The following TRPC4AP variants were observed in gnomAD, a reference collection of about 807,000 sequenced individuals.
The protein encoded by TRPC4AP is transient receptor potential cation channel subfamily C member 4 associated protein.
Under a neutral mutation model 99.0 loss-of-function variants are expected in TRPC4AP, and 45 were observed. That is an observed-to-expected ratio of 0.45 (90% CI 0.36 to 0.58). TRPC4AP has a LOEUF of 0.58. Among genes scored for constraint, TRPC4AP ranks in the 20% least tolerant of loss-of-function variants. The pLI is 0.00. For synonymous variants in TRPC4AP, 408 were observed against 385.8 expected (o/e 1.06, Z -0.67); for missense variants, 879 against 985.3 (o/e 0.89, Z 1.44).
intron 1 of TRPC4AP, 34 bp downstream of exon 1, chr20:35,092,579 CG>C: frequency 7.0e-7 from 1 of 1,432,222 alleles, no homozygotes; most frequent in Non-Finnish European, 9.1e-7. Flanking sequence ...CCGCCTGGTC[CG>C]CCCCGCCCCG....
chr20:35,022,495 G>A (rs570224535), intron 8 of TRPC4AP, among the ~76,000 whole-genome samples: 1 of 152,282 alleles, frequency 6.6e-6, no homozygotes, highest in Admixed American at 6.5e-5. Flanking sequence ...GTCAGAGTCA[G>A]GAGAGGCTAG....
intron 9 of TRPC4AP, among the ~76,000 whole-genome samples, chr20:35,018,736 C>G (rs187930335): frequency 6.6e-5 from 10 of 151,554 alleles, no homozygotes; most frequent in African/African-American, 2.4e-4. Context: ...TGCTCTATAG[C>G]AGGATGGTAG....
chr20:35,069,477 A>G (rs776011524), intron 2 of TRPC4AP, 65 bp from the exon 3 acceptor site: 50 of 1,043,880 alleles, frequency 4.8e-5, no homozygotes, highest in Non-Finnish European at 6.9e-5. Context: ...ACACTAAAGC[A>G]TCAGTTTGAG....
intron 8 of TRPC4AP, among the ~76,000 whole-genome samples, chr20:35,027,611 A>C (rs1233614262): frequency 6.6e-6 from 1 of 152,152 alleles, no homozygotes; most frequent in Non-Finnish European, 1.5e-5. Context: ...TTCTTCTTGA[A>C]ACATTTGGTA....
At chr20:35,072,197 G>A (rs950291967) in intron 2 of TRPC4AP, among the ~76,000 whole-genome samples, 1 of 152,144 alleles carries the variant, frequency 6.6e-6, no homozygotes, top group Non-Finnish European at 1.5e-5. Context: ...TGTCAGATGG[G>A]TAGATTGCAA....
At chr20:35,015,956 A>G (rs2082745140) in intron 10 of TRPC4AP, 52 bp downstream of exon 10, 58 of 1,608,186 alleles carry the variant, frequency 3.6e-5, no homozygotes, top group South Asian at 6.6e-5. Flanking sequence ...GTCTTGAAAC[A>G]ACTACTCCAA....
In TRPC4AP at chr20:35,008,677, C is replaced by T. The variant is rs773249248; in HGVS notation, c.1582G>A (p.Glu528Lys). ...CCCCAGACTCACCTGAAAGACGACT[C>T]TGCTGGCTCCTTCTTCATGACCTGC... ...LLQVMKKEPA[E>K]SSFRFWQARA... Residue 528 changes from glutamate to lysine, a missense_variant, in exon 13 of 19, where the codon GAG becomes AAG. Around this residue, in one of 3 missense-constraint regions of TRPC4AP, gnomAD observed 52 missense variants for 88.7 expected, o/e 0.59. Coordinates refer to ENST00000252015, the MANE Select transcript of TRPC4AP (RefSeq NM_015638.3). 2 of 1,613,920 alleles carry T rather than the reference C, an allele frequency of 1.2e-6. No individual in the cohort carries two copies. The highest frequency in any genetic ancestry group is 1.7e-6 in the Non-Finnish European group (2 of 1,179,904).
chr20:35,013,065 T>C lies in TRPC4AP; in HGVS notation c.1352A>G (p.Asp451Gly), dbSNP rs772601380. The C allele has an allele frequency of 1.2e-6, 2 of 1,613,980 alleles. No individual in the cohort carries two copies. The highest frequency in any genetic ancestry group is 1.7e-6 in the Non-Finnish European group (2 of 1,180,022). Residue 451 changes from aspartate to glycine, a missense_variant and splice_region_variant, in exon 11 of 19, where the codon GAC becomes GGC. Physicochemically the swap from Asp to Gly is moderately conservative, Grantham distance 94. Coordinates refer to ENST00000252015, the MANE Select transcript of TRPC4AP (RefSeq NM_015638.3). The stretch of plus-strand genomic sequence containing the variant: ...CAAAAACTGTATCTTCAAGGTGATG[T>C]CCTGAAACACATGCACAGCCTCAAT... The part of the protein sequence containing the change: ...GHNQNCDCSP[D>G]ITLKIQFLRL...
At chr20:35,032,467 CTTTTTTTTTTTTTT>C (rs35808832) in intron 8 of TRPC4AP, among the ~76,000 whole-genome samples, 2 of 95,232 alleles carry the variant, frequency 2.1e-5, no homozygotes, top group Non-Finnish European at 4.0e-5. Flanking sequence ...GTTCTTTGAT[CTTTTTTTTTTTTTT>C]TTTTTTTTGA....
At chr20:35,035,453 C>A in intron 7 of TRPC4AP, 145 bp from the exon 8 acceptor site, 2 of 919,054 alleles carry the variant, frequency 2.2e-6, no homozygotes, top group Non-Finnish European at 3.1e-6. Flanking sequence ...AATGTCAAAC[C>A]AAGGTAAATA....
At chr20:35,079,242 C>T (rs1040173895) in intron 1 of TRPC4AP, among the ~76,000 whole-genome samples, 6 of 152,076 alleles carry the variant, frequency 3.9e-5, no homozygotes, top group African/African-American at 1.4e-4. Flanking sequence ...ATCATATATG[C>T]ACCTAACAAC....
At chr20:35,039,672 C>A (rs878976120) in intron 7 of TRPC4AP, among the ~76,000 whole-genome samples, 4 of 152,084 alleles carry the variant, frequency 2.6e-5, no homozygotes, top group African/African-American at 9.7e-5. Context: ...CCCCTCTCAG[C>A]TAAGTGTCAC....
At chr20:35,056,122 C>T (rs1467810469) in intron 4 of TRPC4AP, among the ~76,000 whole-genome samples, 1 of 152,202 alleles carries the variant, frequency 6.6e-6, no homozygotes, top group African/African-American at 2.4e-5. Context: ...CCTGAGACAA[C>T]GCAGACGCTC....
At chr20:35,022,241 C>T (rs2082907444) in intron 8 of TRPC4AP, among the ~76,000 whole-genome samples, 1 of 152,186 alleles carries the variant, frequency 6.6e-6, no homozygotes. Context: ...CTGCAACTTC[C>T]GCTTGCTGGT....
chr20:35,020,699 C>G (rs1316419108), intron 9 of TRPC4AP, among the ~76,000 whole-genome samples: 1 of 152,100 alleles, frequency 6.6e-6, no homozygotes, highest in Non-Finnish European at 1.5e-5. Flanking sequence ...TGTTCCAAGC[C>G]CTTTTTCCTC....
At position 35,034,412 on chromosome 20, in the gene TRPC4AP, G is replaced by A. The variant is rs141419906; in HGVS notation, c.1051+711C>T. Among the ~76,000 whole-genome samples the A allele has an allele frequency of 6.7e-4, 102 of 152,204 alleles. 1 individual carries two copies. The East Asian group carries it at 0.019, about 29-fold the overall frequency. On this transcript the variant is annotated intron_variant, in intron 8 of 18. Coordinates refer to ENST00000252015, the MANE Select transcript of TRPC4AP (RefSeq NM_015638.3). ...CCATAGAATTCTTGGCCTCAAGTAT[G>A]TGGGATAGAGCTTCCACACCGTGAG...
At chr20:35,089,040 C>CTTTT (rs33911641) in intron 1 of TRPC4AP, among the ~76,000 whole-genome samples, 58,237 of 147,368 alleles carry the variant, frequency 0.4, 12,399 homozygotes, top group East Asian at 0.58. Flanking sequence ...AACTATACAC[C>CTTTT]TTTTTTTTTT....
chr20:35,010,168 G>C lies in TRPC4AP; in HGVS notation c.1511+19C>G, dbSNP rs574357865. ...GCAGCCGGGATGGGCTGAGGGAAAA[G>C]CTGCACCCCTGCACTCACCTGTCGG... On this transcript the variant is annotated intron_variant, in intron 12 of 18. Coordinates refer to ENST00000252015, the MANE Select transcript of TRPC4AP (RefSeq NM_015638.3). 2.9e-5 allele frequency: 46 copies of C among 1,611,784 alleles called. No individual in the cohort carries two copies. In the Admixed American group the frequency reaches 4.8e-4, roughly 17 times the overall value.
chr20:35,076,040 T>C (rs2084470187), intron 2 of TRPC4AP, among the ~76,000 whole-genome samples: 1 of 152,232 alleles, frequency 6.6e-6, no homozygotes, highest in African/African-American at 2.4e-5. Flanking sequence ...TTTCTTCCAC[T>C]TGATCGAATT....
Sources: allele counts gnomAD v4.1 joint callset (sites outside exome capture counted in the v4.1 genomes callset), GRCh38; gene constraint gnomAD v4.1.1; regional missense constraint gnomAD v4.1.1; transcripts MANE v1.5; gene names NCBI Gene and HGNC (gene_info 2026-07-23, HGNC 2026-07-21).